The following OPHN1 variants were observed in gnomAD, a reference collection of about 807,000 sequenced individuals.
OPHN1 encodes the protein oligophrenin-1.
A neutral mutation model predicts 60.7 loss-of-function variants in OPHN1; 11 were observed. That is an observed-to-expected ratio of 0.18 (90% CI 0.11 to 0.30). The LOEUF (loss-of-function observed/expected upper bound fraction) is 0.30, where lower values mean the gene tolerates loss of function less well. Among genes scored for constraint, OPHN1 ranks in the 10% least tolerant of loss-of-function variants. The pLI, the probability that OPHN1 is intolerant of heterozygous loss-of-function variation, is 1.00. For missense variants in OPHN1, 449 were observed against 611.0 expected, an observed-to-expected ratio of 0.73 and a Z score of 2.80; for synonymous variants, 226 against 222.6, an observed-to-expected ratio of 1.02 and a Z score of -0.14.
At chrX:68,290,913 G>A (rs900869225) in intron 3 of OPHN1, among the ~76,000 whole-genome samples, 1 of 112,028 alleles carries the variant, frequency 8.9e-6, no homozygotes, top group Non-Finnish European at 1.9e-5. Context: ...TAGGCACACA[G>A]TAGGTACTCA....
intron 2 of OPHN1, among the ~76,000 whole-genome samples, chrX:68,378,250 T>C (rs1342378481): frequency 2.7e-5 from 3 of 112,460 alleles, no homozygotes; most frequent in Non-Finnish European, 5.6e-5. Context: ...TGTCTGTTCA[T>C]ATCCTTCACC....
intron 15 of OPHN1, among the ~76,000 whole-genome samples, chrX:68,166,441 G>A (rs2147410901): frequency 9.0e-6 from 1 of 111,563 alleles, no homozygotes; most frequent in East Asian, 2.8e-4. Flanking sequence ...GGCTGAGGCA[G>A]AAGAATCGCT....
intron 15 of OPHN1, among the ~76,000 whole-genome samples, chrX:68,187,057 T>A (rs933097418): frequency 3.9e-4 from 44 of 111,861 alleles, no homozygotes; most frequent in African/African-American, 1.4e-3. Flanking sequence ...CATAAGTCAA[T>A]AAGATAACCA....
intron 19 of OPHN1, 126 bp from the exon 20 acceptor site, chrX:68,073,425 T>C (rs751919630): frequency 1.8e-6 from 1 of 558,886 alleles, no homozygotes; most frequent in Admixed American, 3.6e-5. Flanking sequence ...CTAACATGAC[T>C]CAAAGAATCA....
chrX:68,054,157 C>A (rs921197680), intron 21 of OPHN1, among the ~76,000 whole-genome samples: 3 of 109,997 alleles, frequency 2.7e-5, no homozygotes, highest in African/African-American at 1.0e-4. Context: ...TAGTGCAGGG[C>A]CAGGTACATA....
intron 19 of OPHN1, among the ~76,000 whole-genome samples, chrX:68,086,166 T>A (rs1203960766): frequency 1.1e-5 from 1 of 88,957 alleles, no homozygotes; most frequent in Non-Finnish European, 2.2e-5. Context: ...GTGGCAGAAG[T>A]GGAGACTCTG....
intron 2 of OPHN1, among the ~76,000 whole-genome samples, chrX:68,357,702 G>A (rs1053151075): frequency 1.8e-5 from 2 of 110,502 alleles, no homozygotes; most frequent in South Asian, 3.8e-4. Context: ...GAATAGTGCT[G>A]CAATAAACAT....
At chrX:68,201,514 T>C in intron 11 of OPHN1, 105 bp downstream of exon 11, 1 of 644,806 alleles carries the variant, frequency 1.6e-6, no homozygotes, top group Non-Finnish European at 2.6e-6. Flanking sequence ...CTGAATAGAC[T>C]TACTCATTGT....
chrX:68,425,812 CTTTTTTTT>C (rs1188011531), intron 2 of OPHN1, among the ~76,000 whole-genome samples: 2 of 38,647 alleles, frequency 5.2e-5, no homozygotes, highest in East Asian at 1.8e-3. Flanking sequence ...GGACTGGATT[CTTTTTTTT>C]TTTTTTTTTT....
At chrX:68,095,817 G>C (rs184239429) in intron 19 of OPHN1, among the ~76,000 whole-genome samples, 47 of 111,504 alleles carry the variant, frequency 4.2e-4, no homozygotes, top group Admixed American at 2.7e-3. Flanking sequence ...TCTGTTGCAA[G>C]TGTACAAGAA....
intron 21 of OPHN1, among the ~76,000 whole-genome samples, chrX:68,059,387 C>T (rs1272161940): frequency 9.0e-6 from 1 of 111,413 alleles, no homozygotes; most frequent in Non-Finnish European, 1.9e-5. Context: ...AGGTTGATTC[C>T]TCTTGTAGAT....
intron 2 of OPHN1, among the ~76,000 whole-genome samples, chrX:68,387,618 C>T (rs772048404): frequency 9.0e-6 from 1 of 111,166 alleles, no homozygotes; most frequent in Non-Finnish European, 1.9e-5. Flanking sequence ...ATCTGCATAC[C>T]TAGGACAGTG....
intron 3 of OPHN1, among the ~76,000 whole-genome samples, chrX:68,293,472 G>T (rs776215234): frequency 1.6e-4 from 18 of 111,953 alleles, no homozygotes; most frequent in Middle Eastern, 4.6e-3. Context: ...GGTCCACAAA[G>T]GTGTTTCTTT....
At chrX:68,184,872 C>T (rs868333862) in intron 15 of OPHN1, among the ~76,000 whole-genome samples, 3 of 112,210 alleles carry the variant, frequency 2.7e-5, no homozygotes, top group Admixed American at 9.4e-5. Context: ...CTGGGATTAC[C>T]GGCTTGAGCC....
At chrX:68,076,836 T>C (rs2076955613) in intron 19 of OPHN1, among the ~76,000 whole-genome samples, 1 of 111,942 alleles carries the variant, frequency 8.9e-6, no homozygotes, top group South Asian at 3.7e-4. Flanking sequence ...GAATGAACTA[T>C]TGACTCACTA....
At chrX:68,079,540 C>G (rs1487812093) in intron 19 of OPHN1, among the ~76,000 whole-genome samples, 1 of 112,139 alleles carries the variant, frequency 8.9e-6, no homozygotes, top group African/African-American at 3.2e-5. Context: ...ACTGTCGTCT[C>G]TTTCACTGGC....
At chrX:68,093,340 T>C (rs749252509) in intron 19 of OPHN1, among the ~76,000 whole-genome samples, 1 of 112,133 alleles carries the variant, frequency 8.9e-6, no homozygotes, top group Admixed American at 9.5e-5. Context: ...AATGTGCTAA[T>C]ATGTGTAAAA....
chrX:68,348,420 G>T (rs1447512352), intron 2 of OPHN1, among the ~76,000 whole-genome samples: 1 of 110,659 alleles, frequency 9.0e-6, no homozygotes, highest in Admixed American at 9.8e-5. Context: ...ACCATCAGGG[G>T]ATCATGAAAC....
chrX:68,328,736 A>C (rs757197552), intron 2 of OPHN1, among the ~76,000 whole-genome samples: 31 of 111,773 alleles, frequency 2.8e-4, no homozygotes, highest in Non-Finnish European at 5.6e-4. Flanking sequence ...GAAGACCAAA[A>C]ACCCAAAAGA....
Sources: allele counts gnomAD v4.1 joint callset (sites outside exome capture counted in the v4.1 genomes callset), GRCh38; gene constraint gnomAD v4.1.1; transcripts MANE v1.5; gene names NCBI Gene and HGNC (gene_info 2026-07-23, HGNC 2026-07-21).